Variants in TAFA5 observed in about 807,000 individuals in gnomAD.
The protein encoded by TAFA5 is TAFA chemokine like family member 5.
TAFA5 carries 6 observed loss-of-function variants against 15.3 expected under a neutral mutation model. That is an observed-to-expected ratio of 0.39 (90% CI 0.21 to 0.77). TAFA5 has a LOEUF of 0.77. TAFA5 is among the 30% of genes least tolerant of loss of function. The pLI is 0.41. For synonymous variants in TAFA5, 103 were observed against 80.7 expected (o/e 1.28, Z -1.48); for missense variants, 161 against 193.1 (o/e 0.83, Z 0.98).
chr22:48,640,305 CTGAG>C (rs923434193), intron 1 of TAFA5, among the ~76,000 whole-genome samples: 4 of 152,122 alleles, frequency 2.6e-5, no homozygotes, highest in African/African-American at 9.7e-5. Flanking sequence ...GAGCTGGCGT[CTGAG>C]TGGGCATGGG....
chr22:48,745,918 G>A lies in TAFA5; in HGVS notation c.391-3921G>A, dbSNP rs193260463. ...ACGCGTCAGAGGAGGGCGGGCCGGTGAGCTGAGCTCCTGCGTGAGAGCGGG... is the reference window on the plus strand; with the variant it reads ...ACGCGTCAGAGGAGGGCGGGCCGGTAAGCTGAGCTCCTGCGTGAGAGCGGG... On this transcript the variant is annotated intron_variant, in intron 3 of 3. Coordinates refer to ENST00000402357, the MANE Select transcript of TAFA5 (RefSeq NM_001082967.3). 1.7e-4 allele frequency among the ~76,000 whole-genome samples: 26 copies of A among 152,302 alleles called. No individual in the cohort carries two copies. The East Asian group carries it at 2.5e-3, about 15-fold the overall frequency.
intron 2 of TAFA5, among the ~76,000 whole-genome samples, chr22:48,696,684 C>T (rs933978316): frequency 6.6e-6 from 1 of 152,242 alleles, no homozygotes; most frequent in Non-Finnish European, 1.5e-5. Context: ...CACCCCTTCA[C>T]CCCCATACCA....
intron 1 of TAFA5, among the ~76,000 whole-genome samples, chr22:48,616,184 G>A (rs1297959080): frequency 6.6e-6 from 1 of 152,122 alleles, no homozygotes; most frequent in Non-Finnish European, 1.5e-5. Context: ...TCTCAGCAGG[G>A]AGTGAGGGTC....
At chr22:48,624,010 T>C (rs1925942845) in intron 1 of TAFA5, among the ~76,000 whole-genome samples, 2 of 152,340 alleles carry the variant, frequency 1.3e-5, no homozygotes, top group South Asian at 4.1e-4. Flanking sequence ...TTGTCCTTTT[T>C]CTTTCTGAGA....
intron 1 of TAFA5, among the ~76,000 whole-genome samples, chr22:48,512,253 G>A (rs981809635): frequency 3.3e-5 from 5 of 152,202 alleles, no homozygotes; most frequent in African/African-American, 1.2e-4. Context: ...TCGCTGCGCG[G>A]CCACAGTGCA....
At chr22:48,685,364 G>T (rs1262788414) in intron 2 of TAFA5, among the ~76,000 whole-genome samples, 1 of 152,188 alleles carries the variant, frequency 6.6e-6, no homozygotes, top group Non-Finnish European at 1.5e-5. Context: ...ATCCAGGAAA[G>T]ACCTAGAAAA....
chr22:48,572,809 T>C (rs1354139195), intron 1 of TAFA5, among the ~76,000 whole-genome samples: 2 of 152,200 alleles, frequency 1.3e-5, no homozygotes, highest in Non-Finnish European at 2.9e-5. Context: ...GACCATAATT[T>C]GAAGTAATGG....
chr22:48,707,381 A>G (rs132233), intron 2 of TAFA5, among the ~76,000 whole-genome samples: 106,419 of 151,962 alleles, frequency 0.7, 37,430 homozygotes, highest in Middle Eastern at 0.72. Flanking sequence ...TCTGGCTCTC[A>G]AGTGGATTCC....
intron 3 of TAFA5, among the ~76,000 whole-genome samples, chr22:48,718,632 G>T (rs1027533052): frequency 6.6e-6 from 1 of 152,148 alleles, no homozygotes; most frequent in Admixed American, 6.5e-5. Flanking sequence ...CGGGGCCTTG[G>T]GGCCCCCTCC....
intron 1 of TAFA5, among the ~76,000 whole-genome samples, chr22:48,504,856 T>TG (rs1920978328): frequency 6.6e-6 from 1 of 151,908 alleles, no homozygotes. Context: ...CAGGGCAGGG[T>TG]GGGGCAGAGG....
At chr22:48,546,090 C>T (rs1326661440) in intron 1 of TAFA5, among the ~76,000 whole-genome samples, 2 of 152,168 alleles carry the variant, frequency 1.3e-5, no homozygotes, top group African/African-American at 4.8e-5. Context: ...ATCACGGGCA[C>T]AACTTGGGCG....
At chr22:48,491,463 G>A (rs1928152396) in intron 1 of TAFA5, among the ~76,000 whole-genome samples, 1 of 152,168 alleles carries the variant, frequency 6.6e-6, no homozygotes, top group Admixed American at 6.5e-5. Context: ...ACTACAGGCG[G>A]CCCATCCCTG....
chr22:48,522,341 C>T (rs1289970512), intron 1 of TAFA5, among the ~76,000 whole-genome samples: 7 of 152,004 alleles, frequency 4.6e-5, no homozygotes, highest in African/African-American at 1.2e-4. Flanking sequence ...CCCGGAATTC[C>T]GTCTGTGCCC....
At chr22:48,586,501 G>C (rs544757943) in intron 1 of TAFA5, among the ~76,000 whole-genome samples, 1 of 152,340 alleles carries the variant, frequency 6.6e-6, no homozygotes, top group East Asian at 1.9e-4. Context: ...GGGGTCCCCT[G>C]ACAGATGGCC....
At chr22:48,719,900 A>G (rs572033952) in intron 3 of TAFA5, among the ~76,000 whole-genome samples, 2 of 144,586 alleles carry the variant, frequency 1.4e-5, no homozygotes, top group East Asian at 1.9e-4. Flanking sequence ...CTCAGCAGAA[A>G]TGAGCCCAGA....
chr22:48,630,999 G>A (rs960850213), intron 1 of TAFA5, among the ~76,000 whole-genome samples: 1 of 152,206 alleles, frequency 6.6e-6, no homozygotes, highest in African/African-American at 2.4e-5. Flanking sequence ...CTGCAGCCAG[G>A]GGCCGGCGCT....
At chr22:48,538,069 C>A (rs571572909) in intron 1 of TAFA5, among the ~76,000 whole-genome samples, 18 of 152,304 alleles carry the variant, frequency 1.2e-4, no homozygotes, top group African/African-American at 4.1e-4. Flanking sequence ...GGGTTTTAGG[C>A]CGAGTGGCCT....
chr22:48,600,598 C>T (rs949393901), intron 1 of TAFA5, among the ~76,000 whole-genome samples: 2 of 152,138 alleles, frequency 1.3e-5, no homozygotes, highest in African/African-American at 2.4e-5. Flanking sequence ...TGGCGACACA[C>T]GTGTGCAATA....
At position 48,545,042 on chromosome 22, in the gene TAFA5, C is replaced by A. The variant is rs560667761; in HGVS notation, c.112+55338C>A. 309 of 371,548 alleles carry A rather than the reference C, an allele frequency of 8.3e-4. 4 individuals are homozygous for A. Among genetic ancestry groups the A allele is most frequent in the South Asian group, 5.1e-3 (254 of 50,042 alleles). The allele number at this position is 371,548 out of a possible 1,614,324, so 23.0% of individuals were successfully genotyped here. A position where few individuals can be genotyped will look rare whatever the true frequency, so the allele number is the denominator to read the frequency against. ...AGCCCCCAGTGGCTCAGTCAACAGGCGGAAGGACTCTCAGGGGAACCATGA... is the reference window on the plus strand; with the variant it reads ...AGCCCCCAGTGGCTCAGTCAACAGGAGGAAGGACTCTCAGGGGAACCATGA... On this transcript the variant is annotated intron_variant, in intron 1 of 3. Transcript: ENST00000402357.
Sources: gnomAD v4.1 joint callset for allele counts (sites outside exome capture counted in the v4.1 genomes callset) on GRCh38, gnomAD v4.1.1 for gene constraint, MANE v1.5 for transcripts, NCBI Gene and HGNC (gene_info 2026-07-23, HGNC 2026-07-21) for gene names.